KATNBL1: variants seen among roughly 807,000 people sequenced by gnomAD.
KATNBL1 encodes KATNB1-like protein 1.
KATNBL1 carries 28 observed loss-of-function variants against 44.7 expected under a neutral mutation model. The ratio of observed to expected loss-of-function variants is 0.63; its 90% CI spans 0.46 to 0.86. The LOEUF is 0.86. Ranked by LOEUF, KATNBL1 falls within the 40% of genes least tolerant of loss-of-function variation. KATNBL1 has a pLI of 0.00. For synonymous variants in KATNBL1, 78 were observed against 114.9 expected (o/e 0.68, Z 2.06); for missense variants, 272 against 350.7 (o/e 0.78, Z 1.79).
chr15:34,150,617 T>G (rs1293482500), intron 4 of KATNBL1, among the ~76,000 whole-genome samples: 1 of 152,122 alleles, frequency 6.6e-6, no homozygotes, highest in Non-Finnish European at 1.5e-5. Context: ...CAAAACAAAC[T>G]TATTTTATGT....
intron 1 of KATNBL1, among the ~76,000 whole-genome samples, chr15:34,173,704 C>T (rs529275030): frequency 1.3e-5 from 2 of 152,130 alleles, no homozygotes; most frequent in East Asian, 3.9e-4. Flanking sequence ...AAAAAGTATC[C>T]ACAAAAATGA....
intron 1 of KATNBL1, chr15:34,198,138 A>G (rs1428620834): frequency 2.0e-5 from 3 of 152,206 alleles, no homozygotes; most frequent in African/African-American, 7.2e-5. Flanking sequence ...GCAACATACA[A>G]ATTCTTATGT....
chr15:34,196,137 G>T (rs1890023069), intron 1 of KATNBL1, among the ~76,000 whole-genome samples: 1 of 152,218 alleles, frequency 6.6e-6, no homozygotes, highest in Admixed American at 6.5e-5. Flanking sequence ...CTAAAAATCA[G>T]CCAGGCGTGG....
At chr15:34,149,705 T>C (rs1888411022) in intron 4 of KATNBL1, among the ~76,000 whole-genome samples, 1 of 152,226 alleles carries the variant, frequency 6.6e-6, no homozygotes, top group Non-Finnish European at 1.5e-5. Context: ...ATTACAGGCA[T>C]GAGCCGCCAC....
At chr15:34,142,997 A>T (rs1413369752) in intron 9 of KATNBL1, 6 of 1,165,852 alleles carry the variant, frequency 5.1e-6, no homozygotes, top group Non-Finnish European at 6.8e-6. Context: ...GGCATGAGCC[A>T]CCTTGCCCGG....
At chr15:34,172,038 A>C (rs573155123) in intron 1 of KATNBL1, among the ~76,000 whole-genome samples, 4 of 152,176 alleles carry the variant, frequency 2.6e-5, no homozygotes, top group South Asian at 4.2e-4. Context: ...CTATGTAACA[A>C]ACCTGCATGT....
chr15:34,159,553 T>C (rs1028776884), intron 2 of KATNBL1, among the ~76,000 whole-genome samples: 2 of 152,214 alleles, frequency 1.3e-5, no homozygotes, highest in African/African-American at 4.8e-5. Context: ...TACCCTGGCT[T>C]TTAAAGGAAT....
At chr15:34,183,202 T>C (rs761448739) in intron 1 of KATNBL1, among the ~76,000 whole-genome samples, 3 of 152,210 alleles carry the variant, frequency 2.0e-5, no homozygotes, top group Non-Finnish European at 4.4e-5. Flanking sequence ...TTTTGTTTGC[T>C]CCTCTCAGCT....
chr15:34,181,572 CCATATATATA>C (rs1276065559), intron 1 of KATNBL1, among the ~76,000 whole-genome samples: 46 of 133,154 alleles, frequency 3.5e-4, no homozygotes, highest in Non-Finnish European at 4.6e-4. Context: ...ATATATATAT[CCATATATATA>C]CATATATATA....
chr15:34,208,175 G>A (rs537147850), intron 1 of KATNBL1, among the ~76,000 whole-genome samples: 5 of 152,142 alleles, frequency 3.3e-5, no homozygotes, highest in Non-Finnish European at 5.9e-5. Flanking sequence ...GGTGATTTCC[G>A]AGATTCTGGT....
chr15:34,201,199 G>C (rs1890169508), intron 1 of KATNBL1, among the ~76,000 whole-genome samples: 1 of 152,122 alleles, frequency 6.6e-6, no homozygotes, highest in African/African-American at 2.4e-5. Context: ...TAAAGAACTA[G>C]GTAGATGTTT....
intron 1 of KATNBL1, among the ~76,000 whole-genome samples, chr15:34,165,083 A>G (rs1267037955): frequency 6.6e-6 from 1 of 152,234 alleles, no homozygotes; most frequent in African/African-American, 2.4e-5. Context: ...TTTTTTGAAA[A>G]GTAAATAAAT....
rs1424771816 is a variant in KATNBL1, at chr15:34,157,240, C to T, written c.118-2556G>A. ...AGATGCAACATAAGAGGATCAAACC[C>T]GTTTTAGCTTTAGCTTGGTTAGAGT... On this transcript the variant is annotated intron_variant, in intron 2 of 9. Transcript: ENST00000256544. 5.3e-5 allele frequency among the ~76,000 whole-genome samples: 8 copies of T among 152,276 alleles called. No individual in the cohort carries two copies. In the South Asian group the frequency reaches 8.3e-4, roughly 16 times the overall value.
At chr15:34,146,697 G>T in intron 8 of KATNBL1, 64 bp downstream of exon 8, 1 of 903,232 alleles carries the variant, frequency 1.1e-6, no homozygotes. Flanking sequence ...TTATTACCTA[G>T]TTTAATCAAG....
At chr15:34,180,866 C>G (rs1293321613) in intron 1 of KATNBL1, among the ~76,000 whole-genome samples, 1 of 152,090 alleles carries the variant, frequency 6.6e-6, no homozygotes, top group Non-Finnish European at 1.5e-5. Flanking sequence ...AGTTCGATAC[C>G]AGCCTAGGCA....
At chr15:34,209,649 G>C (rs572938057) in intron 1 of KATNBL1, 1 of 152,418 alleles carries the variant, frequency 6.6e-6, no homozygotes, top group South Asian at 2.1e-4. Context: ...AGGTGCAGCT[G>C]TCGACTCCAC....
intron 1 of KATNBL1, among the ~76,000 whole-genome samples, chr15:34,199,291 G>A (rs1450675710): frequency 2.6e-5 from 4 of 152,064 alleles, no homozygotes; most frequent in Admixed American, 2.6e-4. Context: ...ACAAAAATTA[G>A]CCTGGTGTGG....
At chr15:34,145,567 TAAA>T in intron 8 of KATNBL1, 76 bp from the exon 9 acceptor site, 1 of 1,206,072 alleles carries the variant, frequency 8.3e-7, no homozygotes, top group Non-Finnish European at 1.1e-6. Flanking sequence ...ATATGCATAA[TAAA>T]AACTGTTCTA....
At chr15:34,142,773 GTGAT>G in intron 9 of KATNBL1, 1 of 274,846 alleles carries the variant, frequency 3.6e-6, no homozygotes, top group Non-Finnish European at 7.1e-6. Flanking sequence ...GTGCAGTGGC[GTGAT>G]CTTGGCTCTC....
Sources: gnomAD v4.1 joint callset for allele counts (sites outside exome capture counted in the v4.1 genomes callset) on GRCh38, gnomAD v4.1.1 for gene constraint, MANE v1.5 for transcripts, NCBI Gene and HGNC (gene_info 2026-07-23, HGNC 2026-07-21) for gene names.